Variants in CHMP4B observed in about 807,000 individuals in gnomAD.
CHMP4B encodes SNF7 homolog associated with Alix 1.
Under a neutral mutation model 25.1 loss-of-function variants are expected in CHMP4B, and 1 was observed. The observed-to-expected ratio is 0.04, with a 90% CI of 0.01 to 0.19. The LOEUF is 0.19. Among genes scored for constraint, CHMP4B ranks in the 10% least tolerant of loss-of-function variants. The pLI, the probability that CHMP4B is intolerant of heterozygous loss-of-function variation, is 1.00. For synonymous variants in CHMP4B, 101 were observed against 115.6 expected (o/e 0.87, Z 0.81); for missense variants, 151 against 289.7 (o/e 0.52, Z 3.48).
intron 1 of CHMP4B, among the ~76,000 whole-genome samples, chr20:33,820,887 A>G (rs773601774): frequency 6.6e-6 from 1 of 152,266 alleles, no homozygotes; most frequent in African/African-American, 2.4e-5. Flanking sequence ...TAGCGGGGAC[A>G]TGAGAATGGA....
At chr20:33,852,688 C>T (rs1332484835) in intron 4 of CHMP4B, among the ~76,000 whole-genome samples, 2 of 152,134 alleles carry the variant, frequency 1.3e-5, no homozygotes, top group Admixed American at 6.5e-5. Flanking sequence ...AGAGAAAGTT[C>T]CAGGCACTGT....
chr20:33,818,241 G>A (rs1041290290), intron 1 of CHMP4B, among the ~76,000 whole-genome samples: 5 of 152,232 alleles, frequency 3.3e-5, no homozygotes, highest in Admixed American at 6.5e-5. Flanking sequence ...GGCCCACACA[G>A]TTCATCGAGG....
intron 1 of CHMP4B, among the ~76,000 whole-genome samples, chr20:33,830,933 G>GTTTTTTTTTTTGTTTTTTTTTTTTTTT (rs1775178586): frequency 2.0e-5 from 2 of 102,524 alleles, no homozygotes; most frequent in African/African-American, 3.7e-5. Flanking sequence ...AAGGAACAGA[G>GTTTTTTTTTTTGTTTTTTTTTTTTTTT]TTTTTTTTTT....
chr20:33,852,179 T>G lies in CHMP4B; in HGVS notation c.586T>G (p.Ser196Ala), dbSNP rs765835212. Residue 196 changes from serine to alanine, a missense_variant, in exon 4 of 5, where the codon TCT becomes GCT. Transcript: ENST00000217402. The part of the protein sequence containing the change: ...PETVPLPNVP[S>A]IALPSKPAKK... Reference sequence around the variant, plus strand: ...AACAGTCCCTCTACCAAATGTTCCCTCTATAGCCCTACCATCAAAACCCGG... The same window carrying G: ...AACAGTCCCTCTACCAAATGTTCCCGCTATAGCCCTACCATCAAAACCCGG... The G allele has an allele frequency of 9.9e-6, 16 of 1,614,178 alleles. No homozygotes were observed. Among genetic ancestry groups the G allele is most frequent in the Non-Finnish European group, 1.4e-5 (16 of 1,180,026 alleles).
rs144941767 is a variant in CHMP4B at position 33,847,666 on chromosome 20, T to C, written c.191-801T>C. Among the ~76,000 whole-genome samples the C allele has an allele frequency of 8.1e-3, 1,237 of 152,294 alleles. 20 individuals are homozygous for C. Among genetic ancestry groups the C allele is most frequent in the African/African-American group, 0.028 (1,178 of 41,556 alleles). ...AGATGATGCCACTGACCCAACCAAA[T>C]GGCCAGACTCTAGGTTTGGCCGTGG... On this transcript the variant is annotated intron_variant, in intron 1 of 4. Coordinates refer to ENST00000217402, the MANE Select transcript of CHMP4B (RefSeq NM_176812.5).
At chr20:33,834,142 C>G (rs931871453) in intron 1 of CHMP4B, among the ~76,000 whole-genome samples, 3 of 152,026 alleles carry the variant, frequency 2.0e-5, no homozygotes, top group African/African-American at 7.2e-5. Flanking sequence ...TCTTTTTTTC[C>G]TGGTCAGTCT....
intron 1 of CHMP4B, among the ~76,000 whole-genome samples, chr20:33,839,510 T>C (rs1979476837): frequency 6.6e-6 from 1 of 152,208 alleles, no homozygotes; most frequent in African/African-American, 2.4e-5. Flanking sequence ...ATCCCATGTG[T>C]TTTTAACCAA....
At chr20:33,852,304 C>G in intron 4 of CHMP4B, 101 bp downstream of exon 4, 1 of 1,431,272 alleles carries the variant, frequency 7.0e-7, no homozygotes, top group Non-Finnish European at 9.8e-7. Flanking sequence ...GGTTTGTGGT[C>G]GGTTGGCTTT....
At chr20:33,827,011 CCATA>C (rs1265530651) in intron 1 of CHMP4B, among the ~76,000 whole-genome samples, 1 of 152,134 alleles carries the variant, frequency 6.6e-6, no homozygotes, top group African/African-American at 2.4e-5. Flanking sequence ...ATTTCTGAGG[CCATA>C]CATTTCAAGT....
chr20:33,813,140 CTG>C (rs1270762137), intron 1 of CHMP4B, among the ~76,000 whole-genome samples: 2 of 143,782 alleles, frequency 1.4e-5, no homozygotes, highest in Non-Finnish European at 3.0e-5. Context: ...GGAACCAGCT[CTG>C]TAAAAAAAAA....
chr20:33,831,909 G>T (rs1979262953), intron 1 of CHMP4B, among the ~76,000 whole-genome samples: 1 of 152,140 alleles, frequency 6.6e-6, no homozygotes, highest in African/African-American at 2.4e-5. Flanking sequence ...TTAAGGACAA[G>T]GCAAGACTAC....
chr20:33,846,878 A>G (rs1311108430), intron 1 of CHMP4B, among the ~76,000 whole-genome samples: 1 of 152,206 alleles, frequency 6.6e-6, no homozygotes, highest in Non-Finnish European at 1.5e-5. Flanking sequence ...AGTCTGTGCT[A>G]AGCCTCCTTC....
chr20:33,834,237 C>T (rs1397609565), intron 1 of CHMP4B, among the ~76,000 whole-genome samples: 1 of 151,922 alleles, frequency 6.6e-6, no homozygotes, highest in Admixed American at 6.6e-5. Context: ...TCTTTTTTGT[C>T]TTTTATTGAT....
At chr20:33,825,045 C>T (rs1014164251) in intron 1 of CHMP4B, among the ~76,000 whole-genome samples, 9 of 152,130 alleles carry the variant, frequency 5.9e-5, no homozygotes, top group African/African-American at 1.2e-4. Context: ...GAGACTTAGC[C>T]CAAGGCCACC....
intron 1 of CHMP4B, among the ~76,000 whole-genome samples, chr20:33,831,300 G>A (rs1463872232): frequency 6.6e-6 from 1 of 152,124 alleles, no homozygotes; most frequent in African/African-American, 2.4e-5. Flanking sequence ...TGGCCAGGCT[G>A]GTCTCGAACT....
intron 1 of CHMP4B, among the ~76,000 whole-genome samples, chr20:33,814,822 A>AT (rs142679862): frequency 0.029 from 4,372 of 151,166 alleles, 208 homozygotes; most frequent in African/African-American, 0.1. Context: ...AATTCAAAAC[A>AT]TTTTTTTTTG....
intron 1 of CHMP4B, among the ~76,000 whole-genome samples, chr20:33,842,827 C>T (rs1468029959): frequency 2.0e-5 from 3 of 152,168 alleles, no homozygotes; most frequent in Admixed American, 6.5e-5. Context: ...ATTGGGCCCT[C>T]CTTCCCTCCA....
At chr20:33,846,647 C>A (rs989701159) in intron 1 of CHMP4B, among the ~76,000 whole-genome samples, 4 of 152,198 alleles carry the variant, frequency 2.6e-5, no homozygotes, top group Non-Finnish European at 5.9e-5. Flanking sequence ...AGGACGGAAT[C>A]CCAGGCCAAC....
chr20:33,841,867 T>C (rs6120386), intron 1 of CHMP4B, among the ~76,000 whole-genome samples: 5,121 of 152,254 alleles, frequency 0.034, 176 homozygotes, highest in African/African-American at 0.085. Flanking sequence ...GGCAGACTGT[T>C]TTCCTTATGG....
Sources: allele counts gnomAD v4.1 joint callset (sites outside exome capture counted in the v4.1 genomes callset), GRCh38; gene constraint gnomAD v4.1.1; transcripts MANE v1.5; gene names NCBI Gene and HGNC (gene_info 2026-07-23, HGNC 2026-07-21).